RASAL2: variants seen among roughly 807,000 people sequenced by gnomAD.
RASAL2 encodes the protein RAS protein activator like 2, also known as ras GTPase-activating protein nGAP.
Under a neutral mutation model 128.9 loss-of-function variants are expected in RASAL2, and 58 were observed. The ratio of observed to expected loss-of-function variants is 0.45; its 90% CI spans 0.36 to 0.56. RASAL2 has a LOEUF of 0.56. Ranked by LOEUF, RASAL2 falls within the 20% of genes least tolerant of loss-of-function variation. The probability of loss-of-function intolerance (pLI) is 0.00; values close to 1 mark genes in which losing one functional copy is unlikely to be tolerated. For synonymous variants in RASAL2, 561 were observed against 580.8 expected (o/e 0.97, Z 0.49); for missense variants, 1,360 against 1,601.6 (o/e 0.85, Z 2.57).
At chr1:178,399,222 G>C (rs916193962) in intron 4 of RASAL2, among the ~76,000 whole-genome samples, 4 of 152,142 alleles carry the variant, frequency 2.6e-5, no homozygotes, top group Non-Finnish European at 5.9e-5. Context: ...ACCCTGGCAG[G>C]GGCCTTTGCA....
intron 1 of RASAL2, among the ~76,000 whole-genome samples, chr1:178,232,725 G>C (rs1664061707): frequency 6.6e-6 from 1 of 152,130 alleles, no homozygotes; most frequent in Non-Finnish European, 1.5e-5. Context: ...TGATTTGCTT[G>C]AAATTAAACT....
intron 5 of RASAL2, among the ~76,000 whole-genome samples, chr1:178,428,644 C>T (rs575592223): frequency 5.9e-4 from 89 of 151,942 alleles, no homozygotes; most frequent in African/African-American, 2.1e-3. Context: ...GGCTAGCGTG[C>T]AGTGGTGCCA....
chr1:178,212,293 AC>A lies in RASAL2; in HGVS notation c.203-71270del, dbSNP rs1663280407. Among the ~76,000 whole-genome samples the A allele has an allele frequency of 3.3e-5, 5 of 152,206 alleles. 1 individual carries two copies. In the South Asian group the frequency reaches 1.0e-3, roughly 32 times the overall value. On this transcript the variant is annotated intron_variant, in intron 1 of 17. Coordinates refer to ENST00000367649, the MANE Select transcript of RASAL2 (RefSeq NM_170692.4). ...AATGAATTACAAAGAATTCCCAAAC[AC>A]AAAATGTAATGAACTATAACAAGCA...
intron 1 of RASAL2, among the ~76,000 whole-genome samples, chr1:178,170,264 A>G (rs750552064): frequency 2.2e-4 from 34 of 152,048 alleles, no homozygotes; most frequent in Admixed American, 3.9e-4. Flanking sequence ...TTTAATATTT[A>G]TAAAGATACA....
Position 178,457,919 on chromosome 1 carries a change from G to C in RASAL2, c.2627G>C (p.Gly876Ala). ...VMLDVPIRLT[G>A]SQLSITQVAS... ...CTTGATGTGCCTATACGCTTGACCG[G>C]AAGCCAGCTTTCCATAACCCAGGTG... The change falls in exon 14 of 18, where the codon GGA (glycine) becomes GCA (alanine). Residue 876 changes from glycine (G) to alanine (A), a missense_variant. Coordinates refer to ENST00000367649, the MANE Select transcript of RASAL2 (RefSeq NM_170692.4). 1.2e-6 allele frequency: 2 copies of C among 1,614,148 alleles called. No individual in the cohort carries two copies. Among genetic ancestry groups the C allele is most frequent in the Non-Finnish European group, 1.7e-6 (2 of 1,180,028 alleles).
At chr1:178,388,405 G>A (rs1379906273) in intron 3 of RASAL2, among the ~76,000 whole-genome samples, 1 of 152,198 alleles carries the variant, frequency 6.6e-6, no homozygotes, top group Non-Finnish European at 1.5e-5. Context: ...GAAGTCATGT[G>A]TGCCTAATTC....
Position 178,322,084 on chromosome 1 carries a change from C to T in RASAL2, c.457+21966C>T, listed in dbSNP as rs531233280. Among the ~76,000 whole-genome samples, 3 of 152,066 alleles carry T rather than the reference C, an allele frequency of 2.0e-5. No individual in the cohort carries two copies. In the South Asian group the frequency reaches 6.2e-4, roughly 32 times the overall value. The stretch of plus-strand genomic sequence containing the variant: ...CTCACCTCAAGTGATACTCCCACCT[C>T]GGCCTCCCAAAGTGCTGGGAATACA... On this transcript the variant is annotated intron_variant, in intron 3 of 17. Coordinates refer to ENST00000367649, the MANE Select transcript of RASAL2 (RefSeq NM_170692.4).
At chr1:178,143,386 AAGAT>A (rs1022108587) in intron 1 of RASAL2, among the ~76,000 whole-genome samples, 24 of 152,048 alleles carry the variant, frequency 1.6e-4, no homozygotes, top group African/African-American at 2.4e-5. Context: ...GAATGCGTGG[AAGAT>A]AGATTTTTAA....
Position 178,282,309 on chromosome 1 carries a change from G to C in RASAL2, c.203-1255G>C, listed in dbSNP as rs530952563. On this transcript the variant is annotated intron_variant, in intron 1 of 17. Transcript: ENST00000367649. ...GAGAGGACAGGAAGTTAAACCAGAA[G>C]AAACAATGAAGACAATATTGAACAC... Among the ~76,000 whole-genome samples, 23 of 152,200 alleles carry C rather than the reference G, an allele frequency of 1.5e-4. 2 individuals carry two copies. In the South Asian group the frequency reaches 4.8e-3, roughly 32 times the overall value.
chr1:178,182,433 TA>T (rs1662147514), intron 1 of RASAL2, among the ~76,000 whole-genome samples: 1 of 152,198 alleles, frequency 6.6e-6, no homozygotes, highest in African/African-American at 2.4e-5. Context: ...TATGTTTGTT[TA>T]TACTGGGGCA....
chr1:178,352,724 C>T (rs1336523269), intron 3 of RASAL2, among the ~76,000 whole-genome samples: 2 of 152,376 alleles, frequency 1.3e-5, no homozygotes, highest in South Asian at 2.1e-4. Flanking sequence ...CTGCATTAGG[C>T]TTCTGTCTGG....
At chr1:178,294,829 A>C (rs1011834372) in intron 2 of RASAL2, among the ~76,000 whole-genome samples, 10 of 152,184 alleles carry the variant, frequency 6.6e-5, no homozygotes, top group African/African-American at 2.4e-4. Flanking sequence ...TTTGCATCTG[A>C]AAGGGCTGGA....
chr1:178,425,593 A>G (rs943078638), intron 5 of RASAL2, among the ~76,000 whole-genome samples: 15 of 151,372 alleles, frequency 9.9e-5, no homozygotes, highest in African/African-American at 3.4e-4. Context: ...TTTTTTTTTC[A>G]CTTCTGTCTG....
chr1:178,441,266 T>G (rs886155517), intron 6 of RASAL2, among the ~76,000 whole-genome samples: 1 of 152,198 alleles, frequency 6.6e-6, no homozygotes, highest in Non-Finnish European at 1.5e-5. Flanking sequence ...AAAATTGGAC[T>G]CTTAGTACAT....
intron 17 of RASAL2, among the ~76,000 whole-genome samples, chr1:178,472,551 C>T (rs897488236): frequency 2.0e-5 from 3 of 152,124 alleles, no homozygotes; most frequent in Non-Finnish European, 4.4e-5. Context: ...TTGTTGGTGA[C>T]TCTACACTGC....
intron 3 of RASAL2, among the ~76,000 whole-genome samples, chr1:178,312,174 T>C (rs933043792): frequency 7.2e-5 from 11 of 152,034 alleles, no homozygotes; most frequent in African/African-American, 2.7e-4. Context: ...TTTCAGGAAA[T>C]TTCCCACCAC....
chr1:178,335,265 C>T (rs1015469472), intron 3 of RASAL2, among the ~76,000 whole-genome samples: 11 of 151,886 alleles, frequency 7.2e-5, no homozygotes, highest in Admixed American at 2.6e-4. Context: ...AAAAATATAG[C>T]ATATCTACAA....
chr1:178,201,199 A>T (rs2101967097), intron 1 of RASAL2, among the ~76,000 whole-genome samples: 1 of 152,292 alleles, frequency 6.6e-6, no homozygotes, highest in Admixed American at 6.5e-5. Context: ...GGCTGAATTT[A>T]TCAATTTGGG....
rs547414268 is a variant in RASAL2 at position 178,150,956 on chromosome 1, A to C, written c.202+56262A>C. 1.6e-3 allele frequency among the ~76,000 whole-genome samples: 249 copies of C among 152,166 alleles called. 1 individual carries two copies. The highest frequency in any genetic ancestry group is 5.9e-3 in the African/African-American group (244 of 41,506). ...TTTTTCTTGGTGATATGGTTGTTTA[A>C]ATGGTGCCATATGAAGTGCTGAAGT... On this transcript the variant is annotated intron_variant, in intron 1 of 17. Transcript: ENST00000367649.
Sources: allele counts gnomAD v4.1 joint callset (sites outside exome capture counted in the v4.1 genomes callset), GRCh38; gene constraint gnomAD v4.1.1; transcripts MANE v1.5; gene names NCBI Gene and HGNC (gene_info 2026-07-23, HGNC 2026-07-21).